The following LRRC55 variants were observed in gnomAD, a reference collection of about 807,000 sequenced individuals.
LRRC55 encodes the protein leucine rich repeat containing 55, also known as leucine-rich repeat-containing protein 55.
A neutral mutation model predicts 20.5 loss-of-function variants in LRRC55; 11 were observed. The observed-to-expected ratio is 0.54, with a 90% CI of 0.34 to 0.89. The LOEUF is 0.89. Among genes scored for constraint, LRRC55 ranks in the 40% least tolerant of loss-of-function variants. The pLI, the probability that LRRC55 is intolerant of heterozygous loss-of-function variation, is 0.02. For synonymous variants in LRRC55, 188 were observed against 166.6 expected, an observed-to-expected ratio of 1.13 and a Z score of -0.99; for missense variants, 358 against 390.9, an observed-to-expected ratio of 0.92 and a Z score of 0.71.
rs758733419 is a variant in LRRC55 at position 57,181,980 on chromosome 11, C to G, written c.-43C>G. ...AGACTCTCGATTCCATGGACACAGT[C>G]CTCATGGGCTCCCTCCAGCACTGCT... On this transcript the variant is annotated 5_prime_UTR_variant, in exon 1 of 2. Coordinates refer to ENST00000497933, the MANE Select transcript of LRRC55 (RefSeq NM_001005210.4). 12 of 1,614,032 alleles carry G rather than the reference C, an allele frequency of 7.4e-6. No individual in the cohort carries two copies.
chr11:57,189,733 G>A lies in LRRC55; in HGVS notation c.*2253G>A, dbSNP rs2135338907. On this transcript the variant is annotated 3_prime_UTR_variant, in exon 2 of 2. Coordinates refer to ENST00000497933, the MANE Select transcript of LRRC55 (RefSeq NM_001005210.4). Reference sequence around the variant, plus strand: ...TGGCCAGGAGGAGAATTAAAACAGGGGCTTTCCACACCTCCCTTGCCCCAA... The same window carrying A: ...TGGCCAGGAGGAGAATTAAAACAGGAGCTTTCCACACCTCCCTTGCCCCAA... The A allele has an allele frequency of 6.6e-6, 1 of 152,230 alleles. No individual in the cohort carries two copies. The highest frequency in any genetic ancestry group is 1.9e-4 in the East Asian group (1 of 5,182). The allele number at this position is 152,230 out of a possible 1,614,324, so 9.4% of individuals were successfully genotyped here.
rs1854373994 is a variant in LRRC55, at chr11:57,182,505, C to T, written c.483C>T (p.Leu161=). 6.2e-7 allele frequency: 1 copy of T among 1,601,148 alleles called. No individual in the cohort carries two copies. The highest frequency in any genetic ancestry group is 8.5e-7 in the Non-Finnish European group (1 of 1,171,570). Residue 161 remains leucine, a synonymous_variant, in exon 1 of 2, where the codon CTC becomes CTT. Transcript: ENST00000497933. ...TGCATCCCCAGGCCTTTCAGGGCCT[C>T]ATGCAGCTCCGAGACCTGGACCTCA... is the stretch of plus-strand genomic sequence containing the variant. ...RRVHPQAFQG[L]MQLRDLDLSY...
In LRRC55 at chr11:57,187,586, G is replaced by A. The variant is rs1854450706; in HGVS notation, c.*106G>A. 1 of 1,117,724 alleles carries A rather than the reference G, an allele frequency of 8.9e-7. No individual in the cohort carries two copies. Among genetic ancestry groups the A allele is most frequent in the Non-Finnish European group, 1.3e-6 (1 of 767,488 alleles). 69.2% of individuals were successfully genotyped at this position (1,117,724 alleles called of 1,614,324 possible). The stretch of plus-strand genomic sequence containing the variant: ...GTTCCATGGTGACCTGGCTGCCTCA[G>A]TCATGGTTCAAGCAAGGTGGGGACA... On this transcript the variant is annotated 3_prime_UTR_variant, in exon 2 of 2. Transcript: ENST00000497933.
chr11:57,191,288 G>A lies in LRRC55; in HGVS notation c.*3808G>A, dbSNP rs754281841. On this transcript the variant is annotated 3_prime_UTR_variant, in exon 2 of 2. Transcript: ENST00000497933. The stretch of plus-strand genomic sequence containing the variant: ...CAGGTGTTTGTCTTCAACCATGGGG[G>A]AAGACCTCCAGCTTCCATTTTCCCC... 6.6e-6 allele frequency: 1 copy of A among 152,168 alleles called. No homozygotes were observed. Among genetic ancestry groups the A allele is most frequent in the African/African-American group, 2.4e-5 (1 of 41,424 alleles). The allele number at this position is 152,168 out of a possible 1,614,324, so 9.4% of individuals were successfully genotyped here.
intron 1 of LRRC55, among the ~76,000 whole-genome samples, chr11:57,183,150 TA>T (rs1854385064): frequency 6.6e-6 from 1 of 152,068 alleles, no homozygotes; most frequent in Non-Finnish European, 1.5e-5. Flanking sequence ...AAATACAAAT[TA>T]AAAAATTAAA....
chr11:57,182,145 T>C lies in LRRC55; in HGVS notation c.123T>C (p.Leu41=). Reference sequence around the variant, plus strand: ...ATGCCGGCACCAGCTGCCCCGTCCTTTGCACATGCCGTAACCAGGTGGTGG... The same window carrying C: ...ATGCCGGCACCAGCTGCCCCGTCCTCTGCACATGCCGTAACCAGGTGGTGG... ...HSDAGTSCPV[L]CTCRNQVVDC... Residue 41 remains leucine, a synonymous_variant, in exon 1 of 2, where the codon CTT becomes CTC. Coordinates refer to ENST00000497933, the MANE Select transcript of LRRC55 (RefSeq NM_001005210.4). 3.1e-6 allele frequency: 5 copies of C among 1,614,168 alleles called. No individual in the cohort carries two copies. The highest frequency in any genetic ancestry group is 2.5e-6 in the Non-Finnish European group (3 of 1,180,024).
chr11:57,186,285 G>T (rs1053808306), intron 1 of LRRC55, among the ~76,000 whole-genome samples: 2 of 152,168 alleles, frequency 1.3e-5, no homozygotes, highest in Non-Finnish European at 2.9e-5. Flanking sequence ...TTTGGAGTTG[G>T]ACAGACTCTT....
intron 1 of LRRC55, among the ~76,000 whole-genome samples, chr11:57,185,270 C>CTTCTTTTT (rs1854416014): frequency 3.4e-5 from 3 of 89,416 alleles, no homozygotes; most frequent in South Asian, 3.5e-4. Context: ...CTTTTCTTTT[C>CTTCTTTTT]TTTTTTTTTT....
At chr11:57,182,873 C>T (rs1314540048) in intron 1 of LRRC55, among the ~76,000 whole-genome samples, 190 bp downstream of exon 1, 5 of 152,164 alleles carry the variant, frequency 3.3e-5, no homozygotes, top group East Asian at 1.9e-4. Flanking sequence ...TGTGAGGCAC[C>T]GAGGGCCCAT....
intron 1 of LRRC55, among the ~76,000 whole-genome samples, chr11:57,185,270 C>CTTTTTTTTTTTTT (rs58800728): frequency 8.9e-5 from 8 of 89,414 alleles, no homozygotes; most frequent in East Asian, 3.3e-4. Context: ...CTTTTCTTTT[C>CTTTTTTTTTTTTT]TTTTTTTTTT....
Position 57,188,352 on chromosome 11 carries a change from C to T in LRRC55, c.*872C>T, listed in dbSNP as rs1854462821. 6.5e-6 allele frequency: 1 copy of T among 152,716 alleles called. No homozygotes were observed. Among genetic ancestry groups the T allele is most frequent in the Non-Finnish European group, 1.5e-5 (1 of 68,090 alleles). 9.5% of individuals were successfully genotyped at this position (152,716 alleles called of 1,614,324 possible). On this transcript the variant is annotated 3_prime_UTR_variant, in exon 2 of 2. Transcript: ENST00000497933. ...TGTTCTTGCCACAGTGCTCATGCCA[C>T]AGGGTCTCACCAGGAAAGTGCACTG... is the stretch of plus-strand genomic sequence containing the variant.
Position 57,187,919 on chromosome 11 carries a change from G to T in LRRC55, c.*439G>T, listed in dbSNP as rs1047592662. On this transcript the variant is annotated 3_prime_UTR_variant, in exon 2 of 2. Transcript: ENST00000497933. ...AAGAAGGGTGTCTGCACATGGCAGA[G>T]GCCAGAATATGCATAGTGTGCTGTG... is the stretch of plus-strand genomic sequence containing the variant. 1 of 263,760 alleles carries T rather than the reference G, an allele frequency of 3.8e-6. No individual in the cohort carries two copies. Among genetic ancestry groups the T allele is most frequent in the Non-Finnish European group, 7.3e-6 (1 of 136,322 alleles). 16.3% of individuals were successfully genotyped at this position (263,760 alleles called of 1,614,324 possible). A position where few individuals can be genotyped will look rare whatever the true frequency, so the allele number is the denominator to read the frequency against.
At chr11:57,185,429 C>T (rs1275825861) in intron 1 of LRRC55, among the ~76,000 whole-genome samples, 1 of 151,652 alleles carries the variant, frequency 6.6e-6, no homozygotes, top group African/African-American at 2.4e-5. Flanking sequence ...TACAGGTGCG[C>T]ACCACCACAC....
chr11:57,186,688 GGT>G (rs1435824474), intron 1 of LRRC55, among the ~76,000 whole-genome samples: 6 of 152,188 alleles, frequency 3.9e-5, no homozygotes, highest in Non-Finnish European at 8.8e-5. Flanking sequence ...ATGACCAGGA[GGT>G]GTGTGTGGCT....
intron 1 of LRRC55, among the ~76,000 whole-genome samples, chr11:57,185,200 T>G (rs548054217): frequency 6.6e-6 from 1 of 152,096 alleles, no homozygotes; most frequent in Admixed American, 6.5e-5. Context: ...CAACACATAA[T>G]TTAGAAAATG....
intron 1 of LRRC55, among the ~76,000 whole-genome samples, chr11:57,184,555 G>A (rs1204286940): frequency 6.6e-6 from 1 of 152,192 alleles, no homozygotes; most frequent in East Asian, 1.9e-4. Flanking sequence ...CACGCACCAG[G>A]GTGCTTCTCC....
chr11:57,183,309 T>G (rs1565179416), intron 1 of LRRC55, among the ~76,000 whole-genome samples: 1 of 152,216 alleles, frequency 6.6e-6, no homozygotes, highest in South Asian at 2.1e-4. Flanking sequence ...CTGCAATAGC[T>G]TAAGTTGCGT....
intron 1 of LRRC55, among the ~76,000 whole-genome samples, chr11:57,182,988 A>C (rs1332450646): frequency 2.6e-5 from 4 of 152,124 alleles, no homozygotes; most frequent in Non-Finnish European, 5.9e-5. Context: ...GTTTTTATTG[A>C]GCTTTCACCA....
rs185673702 is a variant in LRRC55 at position 57,189,852 on chromosome 11, C to T, written c.*2372C>T. 1.3e-5 allele frequency: 2 copies of T among 152,366 alleles called. No individual in the cohort carries two copies. Among genetic ancestry groups the T allele is most frequent in the East Asian group, 3.9e-4 (2 of 5,186 alleles). 9.4% of individuals were successfully genotyped at this position (152,366 alleles called of 1,614,324 possible). A position where few individuals can be genotyped will look rare whatever the true frequency, so the allele number is the denominator to read the frequency against. ...ATCTTCCAGGAAGGCATCCCTCACT[C>T]GTGCTTCCCTGAGCTAGTCAACCAA... On this transcript the variant is annotated 3_prime_UTR_variant, in exon 2 of 2. Transcript: ENST00000497933.
Sources: allele counts gnomAD v4.1 joint callset (sites outside exome capture counted in the v4.1 genomes callset), GRCh38; gene constraint gnomAD v4.1.1; transcripts MANE v1.5; gene names NCBI Gene and HGNC (gene_info 2026-07-23, HGNC 2026-07-21).